Variants in ABCA13 observed in about 807,000 individuals in gnomAD.
The protein encoded by ABCA13 is ATP binding cassette subfamily A member 13.
Under a neutral mutation model 478.7 loss-of-function variants are expected in ABCA13, and 476 were observed. The ratio of observed to expected loss-of-function variants is 0.99; its 90% confidence interval spans 0.92 to 1.07. The LOEUF (loss-of-function observed/expected upper bound fraction) is 1.07, where lower values mean the gene tolerates loss of function less well. Ranked by LOEUF, ABCA13 falls within the 50% of genes least tolerant of loss-of-function variation. The pLI is 0.00. For missense variants in ABCA13, 6,060 were observed against 5,910.6 expected (o/e 1.03, Z -0.83); for synonymous variants, 2,252 against 2,158.9 (o/e 1.04, Z -1.20).
intron 47 of ABCA13, among the ~76,000 whole-genome samples, chr7:48,487,308 C>CAAA (rs201286870): frequency 1.8e-5 from 2 of 110,848 alleles, no homozygotes; most frequent in African/African-American, 7.4e-5. Context: ...AACTGTGTCT[C>CAAA]AAAAAAAAAA....
At chr7:48,545,144 A>G (rs945987770) in intron 55 of ABCA13, among the ~76,000 whole-genome samples, 5 of 151,914 alleles carry the variant, frequency 3.3e-5, no homozygotes, top group Admixed American at 2.0e-4. Flanking sequence ...CATAGGTTTT[A>G]ATGTCCCTGA....
intron 15 of ABCA13, among the ~76,000 whole-genome samples, chr7:48,263,838 G>C (rs1303193811): frequency 6.6e-6 from 1 of 151,780 alleles, no homozygotes; most frequent in Admixed American, 6.6e-5. Flanking sequence ...GGCATGCAAT[G>C]TGTAGTAATC....
intron 22 of ABCA13, 50 bp from the exon 23 acceptor site, chr7:48,298,316 A>C: frequency 6.5e-7 from 1 of 1,535,120 alleles, no homozygotes; most frequent in Non-Finnish European, 8.8e-7. Flanking sequence ...CGCAGTCAGT[A>C]ATGATCTAAA....
chr7:48,294,518 C>G (rs1181204959), intron 20 of ABCA13, among the ~76,000 whole-genome samples: 2 of 149,342 alleles, frequency 1.3e-5, no homozygotes, highest in African/African-American at 4.9e-5. Context: ...GCAATCTCGG[C>G]TCACTGCAAG....
At chr7:48,277,108 A>G (rs1163290835) in intron 17 of ABCA13, among the ~76,000 whole-genome samples, 4 of 152,220 alleles carry the variant, frequency 2.6e-5, no homozygotes, top group Non-Finnish European at 4.4e-5. Flanking sequence ...TGCTTTAGTC[A>G]AGTTTCAAGC....
chr7:48,612,533 A>G (rs1207218986), intron 58 of ABCA13, among the ~76,000 whole-genome samples: 3 of 152,134 alleles, frequency 2.0e-5, no homozygotes, highest in East Asian at 3.9e-4. Context: ...CTGAATACAC[A>G]TTGTCATTTT....
intron 20 of ABCA13, among the ~76,000 whole-genome samples, chr7:48,288,339 A>G (rs1229480265): frequency 6.6e-6 from 1 of 152,230 alleles, no homozygotes; most frequent in African/African-American, 2.4e-5. Context: ...GCTGGTTGTT[A>G]AACATAGATG....
intron 42 of ABCA13, among the ~76,000 whole-genome samples, chr7:48,435,169 T>C (rs191465543): frequency 5.3e-5 from 8 of 151,578 alleles, no homozygotes; most frequent in Non-Finnish European, 1.2e-4. Flanking sequence ...TTGTGTCTTT[T>C]TCATTTTCTT....
intron 55 of ABCA13, among the ~76,000 whole-genome samples, chr7:48,538,070 CATT>C (rs1833705792): frequency 1.3e-5 from 2 of 148,924 alleles, no homozygotes; most frequent in Non-Finnish European, 3.0e-5. Context: ...TTCAGATACT[CATT>C]ATCTTATTTT....
intron 59 of ABCA13, among the ~76,000 whole-genome samples, chr7:48,636,883 C>G (rs1202500300): frequency 6.6e-6 from 1 of 152,166 alleles, no homozygotes; most frequent in Non-Finnish European, 1.5e-5. Context: ...CCTGGCTTAT[C>G]AAAGCCTTTT....
intron 15 of ABCA13, among the ~76,000 whole-genome samples, chr7:48,265,723 T>A (rs879908734): frequency 6.6e-6 from 1 of 151,600 alleles, no homozygotes; most frequent in African/African-American, 2.4e-5. Flanking sequence ...ATAAAGATGG[T>A]TTAATTGTTT....
At chr7:48,239,736 A>G (rs1261758750) in intron 9 of ABCA13, among the ~76,000 whole-genome samples, 2 of 152,178 alleles carry the variant, frequency 1.3e-5, no homozygotes, top group South Asian at 2.1e-4. Context: ...CTCTTTGGAC[A>G]TTTGCATGCT....
At chr7:48,525,326 TG>T (rs1832814741) in intron 54 of ABCA13, among the ~76,000 whole-genome samples, 2 of 152,288 alleles carry the variant, frequency 1.3e-5, no homozygotes, top group South Asian at 4.1e-4. Context: ...AACTATTTTT[TG>T]TACCCTTGCT....
chr7:48,232,740 C>T (rs963739538), intron 7 of ABCA13, among the ~76,000 whole-genome samples: 1 of 152,176 alleles, frequency 6.6e-6, no homozygotes, highest in African/African-American at 2.4e-5. Context: ...TATAAGTATG[C>T]TACACTGATG....
intron 55 of ABCA13, among the ~76,000 whole-genome samples, chr7:48,562,264 C>T (rs1786546507): frequency 2.0e-5 from 3 of 151,838 alleles, no homozygotes; most frequent in Admixed American, 1.3e-4. Flanking sequence ...AAGACACCTT[C>T]TAATGTTATT....
At chr7:48,353,240 G>A (rs1809341762) in intron 31 of ABCA13, among the ~76,000 whole-genome samples, 1 of 151,708 alleles carries the variant, frequency 6.6e-6, no homozygotes, top group Non-Finnish European at 1.5e-5. Flanking sequence ...GGGCTGTGGG[G>A]CTCAGCCTGG....
intron 48 of ABCA13, among the ~76,000 whole-genome samples, chr7:48,491,854 G>T (rs1829868341): frequency 6.6e-6 from 1 of 152,138 alleles, no homozygotes; most frequent in African/African-American, 2.4e-5. Context: ...AACAAACCTT[G>T]CCCCAATGTG....
intron 27 of ABCA13, among the ~76,000 whole-genome samples, chr7:48,332,548 G>A (rs1360026844): frequency 6.6e-6 from 1 of 152,152 alleles, no homozygotes; most frequent in Non-Finnish European, 1.5e-5. Context: ...TAAAACTCAT[G>A]GAAAACAGTA....
chr7:48,271,838 C>T lies in ABCA13; in HGVS notation c.2172C>T (p.Thr724=). ...TAATGATGGAAAAGAAGTTGCACAC[C>T]CTTGAGGATGAACAAATGAACTTTC... The part of the protein sequence containing the change: ...HLLMMEKKLH[T]LEDEQMNFLL... The change falls in exon 17 of 62, where the codon ACC becomes ACT. Residue 724 remains threonine, a synonymous_variant. Transcript: ENST00000435803. 1.9e-6 allele frequency: 3 copies of T among 1,576,456 alleles called. No homozygotes were observed. The highest frequency in any genetic ancestry group is 1.2e-5 in the South Asian group (1 of 86,308).
Sources: allele counts gnomAD v4.1 joint callset (sites outside exome capture counted in the v4.1 genomes callset), GRCh38; gene constraint gnomAD v4.1.1; transcripts MANE v1.5; gene names NCBI Gene and HGNC (gene_info 2026-07-23, HGNC 2026-07-21).